GOLGA1: variants seen among roughly 807,000 people sequenced by gnomAD.
The protein encoded by GOLGA1 is golgin subfamily A member 1.
GOLGA1 carries 63 observed loss-of-function variants against 119.7 expected under a neutral mutation model. That is an observed-to-expected ratio of 0.53 (90% CI 0.43 to 0.65). The LOEUF is 0.65. Ranked by LOEUF, GOLGA1 falls within the 30% of genes least tolerant of loss-of-function variation. The pLI, the probability that GOLGA1 is intolerant of heterozygous loss-of-function variation, is 0.00. For missense variants in GOLGA1, 798 were observed against 912.8 expected, an observed-to-expected ratio of 0.87 and a Z score of 1.62; for synonymous variants, 318 against 333.4, an observed-to-expected ratio of 0.95 and a Z score of 0.50.
In GOLGA1 at chr9:124,879,961, G is replaced by C. The variant is rs1336813040; in HGVS notation, c.*569C>G. 6.6e-6 allele frequency: 1 copy of C among 152,664 alleles called. No individual in the cohort carries two copies. The highest frequency in any genetic ancestry group is 1.5e-5 in the Non-Finnish European group (1 of 68,136). The allele number at this position is 152,664 out of a possible 1,614,324, so 9.5% of individuals were successfully genotyped here. A position where few individuals can be genotyped will look rare whatever the true frequency, so the allele number is the denominator to read the frequency against. The stretch of plus-strand genomic sequence containing the variant: ...TCATTCATCCACACCGACCCTTAAA[G>C]ATGGATCCTCTAAAGTTCTAGGTGG... On this transcript the variant is annotated 3_prime_UTR_variant, in exon 23 of 23. Coordinates refer to ENST00000373555, the MANE Select transcript of GOLGA1 (RefSeq NM_002077.4).
chr9:124,881,804 T>G lies in GOLGA1; in HGVS notation c.2116A>C (p.Met706Leu). ...TTTACCTCGGATTCGCGACAAGACA[T>G]GAATTTTAAAACCACATGTTTAAGG... Reference protein sequence around the residue: ...EYLKHVVLKFMSCRESEAFHL... With the variant: ...EYLKHVVLKFLSCRESEAFHL... The change falls in exon 21 of 23, where the codon ATG becomes CTG. Residue 706 changes from methionine (M) to leucine (L), a missense_variant. Transcript: ENST00000373555. The surrounding 1 kb of genome is among the most constrained non-coding windows in gnomAD (Gnocchi z 4.9). 2 of 1,610,642 alleles carry G rather than the reference T, an allele frequency of 1.2e-6. No individual in the cohort carries two copies. The highest frequency in any genetic ancestry group is 1.7e-6 in the Non-Finnish European group (2 of 1,178,720).
At chr9:124,903,135 G>A (rs537115885) in intron 12 of GOLGA1, among the ~76,000 whole-genome samples, 5 of 152,266 alleles carry the variant, frequency 3.3e-5, no homozygotes, top group South Asian at 2.1e-4. Flanking sequence ...GTACAGGAAC[G>A]TTCATGGTAG....
chr9:124,945,094 A>C (rs1466510789), upstream of GOLGA1: 1 of 152,220 alleles, frequency 6.6e-6, no homozygotes, highest in Non-Finnish European at 1.5e-5. Context: ...ATTGTCCACC[A>C]AAATAGGAAA....
chr9:124,941,786 A>C (rs1045829684), upstream of GOLGA1, among the ~76,000 whole-genome samples: 1 of 152,162 alleles, frequency 6.6e-6, no homozygotes, highest in Non-Finnish European at 1.5e-5. Context: ...CTTAGGAAGG[A>C]AGTTGAAAAC....
At chr9:124,941,465 C>T (rs1278407144), upstream of GOLGA1, among the ~76,000 whole-genome samples, 1 of 152,172 alleles carries the variant, frequency 6.6e-6, no homozygotes, top group Non-Finnish European at 1.5e-5. Context: ...GGCCAGGCGC[C>T]CCCCCGCGCC....
rs752059778 is a variant in GOLGA1, at chr9:124,881,242, T to A, written c.2152A>T (p.Lys718Ter). Reference sequence around the variant, plus strand: ...AAGTTCAGCAACACTGACACAGCTTTTATAAGATGAAAAGCCTGAAACACA... The same window carrying A: ...AAGTTCAGCAACACTGACACAGCTTATATAAGATGAAAAGCCTGAAACACA... ...CRESEAFHLI[K>*]AVSVLLNFSQ... is the part of the protein sequence containing the mutation. Residue 718 changes from lysine to a stop codon, truncating the protein, a stop_gained, in exon 22 of 23, where the codon AAA becomes TAA. Coordinates refer to ENST00000373555, the MANE Select transcript of GOLGA1 (RefSeq NM_002077.4). LOFTEE classifies it high-confidence loss of function. The surrounding 1 kb of genome is among the most constrained non-coding windows in gnomAD (Gnocchi z 4.9). 1 of 1,602,016 alleles carries A rather than the reference T, an allele frequency of 6.2e-7. No homozygotes were observed.
chr9:124,926,633 G>T, intron 7 of GOLGA1, 76 bp downstream of exon 7: 1 of 885,908 alleles, frequency 1.1e-6, no homozygotes, highest in South Asian at 1.3e-5. Context: ...TCAGTATGTT[G>T]GTTACCGGAT....
intron 13 of GOLGA1, 67 bp from the exon 14 acceptor site, chr9:124,899,545 C>T: frequency 6.9e-7 from 1 of 1,449,640 alleles, no homozygotes; most frequent in South Asian, 1.2e-5. Flanking sequence ...CTTAGTCTGG[C>T]CCTAGGTGAG....
chr9:124,879,070 T>C lies in GOLGA1; in HGVS notation c.*1460A>G, dbSNP rs745775288. Reference sequence around the variant, plus strand: ...GATGCTGCCCTGACTTGGTTCTTCATGGAAATTTCGTTAGGTTAACGTTGC... The same window carrying C: ...GATGCTGCCCTGACTTGGTTCTTCACGGAAATTTCGTTAGGTTAACGTTGC... On this transcript the variant is annotated 3_prime_UTR_variant, in exon 23 of 23. Transcript: ENST00000373555. 1.4e-4 allele frequency: 22 copies of C among 152,262 alleles called. No homozygotes were observed. Among genetic ancestry groups the C allele is most frequent in the Non-Finnish European group, 2.6e-4 (18 of 68,046 alleles). 9.4% of individuals were successfully genotyped at this position (152,262 alleles called of 1,614,324 possible). A position where few individuals can be genotyped will look rare whatever the true frequency, so the allele number is the denominator to read the frequency against.
At chr9:124,909,608 CAAAAAAA>C (rs58372596) in intron 11 of GOLGA1, among the ~76,000 whole-genome samples, 2 of 87,286 alleles carry the variant, frequency 2.3e-5, no homozygotes, top group African/African-American at 4.3e-5. Flanking sequence ...GACTCCGTCT[CAAAAAAA>C]AAAAAAAAAA....
At chr9:124,940,041 C>T (rs1383082795) in intron 2 of GOLGA1, 65 bp downstream of exon 2, 1 of 152,192 alleles carries the variant, frequency 6.6e-6, no homozygotes, top group East Asian at 1.9e-4. Flanking sequence ...CACTTCAGAT[C>T]CTCCATTAAG....
At position 124,888,900 on chromosome 9, in the gene GOLGA1, C is replaced by T. The variant is rs533592960; in HGVS notation, c.1761+243G>A. Among the ~76,000 whole-genome samples the T allele has an allele frequency of 1.7e-4, 26 of 152,292 alleles. No individual in the cohort carries two copies. The highest frequency in any genetic ancestry group is 4.1e-4 in the African/African-American group (17 of 41,562). ...ATTTTTAGTAGAGACTGGGTTTCAC[C>T]GTGTTAGCCAGGATGGTCTCGATCT... On this transcript the variant is annotated intron_variant, in intron 18 of 22. Transcript: ENST00000373555. This position sits in a 1 kb window ranked among gnomAD's most constrained non-coding sequence, Gnocchi z 4.4.
Position 124,888,151 on chromosome 9 carries a change from CG to C in GOLGA1, c.1905+101del. 9.3e-7 allele frequency: 1 copy of C among 1,072,716 alleles called. No individual in the cohort carries two copies. Among genetic ancestry groups the C allele is most frequent in the Non-Finnish European group, 1.4e-6 (1 of 706,056 alleles). 66.4% of individuals were successfully genotyped at this position (1,072,716 alleles called of 1,614,324 possible). On this transcript the variant is annotated intron_variant, in intron 19 of 22. Coordinates refer to ENST00000373555, the MANE Select transcript of GOLGA1 (RefSeq NM_002077.4). This position sits in a 1 kb window ranked among gnomAD's most constrained non-coding sequence, Gnocchi z 4.4. Reference sequence around the variant, plus strand: ...GAGGGGTCATGGTTGCCAGGAGGTGCGGGGGAAACCACAAAAACCTCCAAGG... The same window carrying C: ...GAGGGGTCATGGTTGCCAGGAGGTGCGGGGAAACCACAAAAACCTCCAAGG...
intron 6 of GOLGA1, among the ~76,000 whole-genome samples, chr9:124,927,814 T>C (rs1830701987): frequency 6.6e-6 from 1 of 152,174 alleles, no homozygotes; most frequent in African/African-American, 2.4e-5. Context: ...TATGACTAAG[T>C]TAATAACATC....
intron 20 of GOLGA1, 102 bp from the exon 21 acceptor site, chr9:124,882,056 G>T: frequency 1.2e-6 from 1 of 814,966 alleles, no homozygotes; most frequent in Non-Finnish European, 1.9e-6. Flanking sequence ...ACTATCGTAG[G>T]GCAAAAAGGG....
Position 124,938,596 on chromosome 9 carries a change from G to C in GOLGA1, c.116C>G (p.Ala39Gly). 1 of 1,613,026 alleles carries C rather than the reference G, an allele frequency of 6.2e-7. No homozygotes were observed. Among genetic ancestry groups the C allele is most frequent in the Non-Finnish European group, 8.5e-7 (1 of 1,179,184 alleles). ...VSKESVASMG[A>G]DSGDDFASDG... ...ACTTACAAAGTCATCTCCTGAGTCA[G>C]CTCCCATTGAGGCAACTGATTCCTT... is the stretch of plus-strand genomic sequence containing the variant. The change falls in exon 3 of 23, where the codon GCT becomes GGT. Residue 39 changes from alanine (A) to glycine (G), a missense_variant. Coordinates refer to ENST00000373555, the MANE Select transcript of GOLGA1 (RefSeq NM_002077.4).
chr9:124,904,086 A>T (rs1184726823), intron 12 of GOLGA1, among the ~76,000 whole-genome samples: 1 of 147,278 alleles, frequency 6.8e-6, no homozygotes, highest in Non-Finnish European at 1.5e-5. Context: ...AAAAAAAAAA[A>T]TTCTGTTAAA....
At chr9:124,916,877 CAAAAAAAAAAAA>C (rs71494043) in intron 10 of GOLGA1, among the ~76,000 whole-genome samples, 1 of 41,214 alleles carries the variant, frequency 2.4e-5, no homozygotes, top group African/African-American at 1.1e-4. Context: ...CCCTGACACA[CAAAAAAAAAAAA>C]AAAAAAAAAA....
chr9:124,940,597 C>G (rs933542006), intron 1 of GOLGA1, among the ~76,000 whole-genome samples: 2 of 152,202 alleles, frequency 1.3e-5, no homozygotes, highest in Non-Finnish European at 2.9e-5. Context: ...GTCTAACCCC[C>G]AGGGAGGCAG....
Sources: allele counts gnomAD v4.1 joint callset (sites outside exome capture counted in the v4.1 genomes callset), GRCh38; gene constraint gnomAD v4.1.1; non-coding constraint Gnocchi (gnomAD v3.1); transcripts MANE v1.5; gene names NCBI Gene and HGNC (gene_info 2026-07-23, HGNC 2026-07-21).